HEPHL1: variants seen among roughly 807,000 people sequenced by gnomAD.
HEPHL1 encodes the protein hephaestin like 1, also known as ferroxidase HEPHL1.
In HEPHL1, 123 loss-of-function variants were observed where a neutral mutation model predicts 122.0. The observed-to-expected ratio is 1.01, with a 90% confidence interval of 0.87 to 1.17. The LOEUF is 1.17. Among genes scored for constraint, HEPHL1 ranks in the 50% most tolerant of loss-of-function variants. The probability of loss-of-function intolerance (pLI) is 0.00; values close to 1 mark genes in which losing one functional copy is unlikely to be tolerated. For synonymous variants in HEPHL1, 527 were observed against 508.9 expected (o/e 1.04, Z -0.48); for missense variants, 1,452 against 1,430.5 (o/e 1.01, Z -0.24).
chr11:94,109,485 C>A (rs963826519), intron 17 of HEPHL1, among the ~76,000 whole-genome samples: 1 of 152,076 alleles, frequency 6.6e-6, no homozygotes, highest in Non-Finnish European at 1.5e-5. Context: ...TTAGCTGCAG[C>A]TTTTTTGTGG....
intron 2 of HEPHL1, among the ~76,000 whole-genome samples, chr11:94,056,657 TTATCTATCTATC>T (rs1555061044): frequency 1.1e-3 from 126 of 111,916 alleles, no homozygotes; most frequent in African/African-American, 3.9e-3. Context: ...CTATTATTGA[TTATCTATCTATC>T]TATCTATCTA....
In HEPHL1 at chr11:94,101,114, GACTA is replaced by G; in HGVS notation, c.2435-76_2435-73del. 6 of 1,473,906 alleles carry G rather than the reference GACTA, an allele frequency of 4.1e-6. No individual in the cohort carries two copies. The South Asian group carries it at 7.2e-5, about 18-fold the overall frequency. 91.3% of individuals were successfully genotyped at this position (1,473,906 alleles called of 1,614,324 possible). A position where few individuals can be genotyped will look rare whatever the true frequency, so the allele number is the denominator to read the frequency against. ...CAACTAAAGCCAAACTATTTTATTT[GACTA>G]ACTACTGCCTATATTTAAATTACAC... On this transcript the variant is annotated intron_variant, in intron 13 of 19. Transcript: ENST00000315765.
In HEPHL1 at chr11:94,023,699, C is replaced by T. The variant is rs148868994; in HGVS notation, c.170+2161C>T. On this transcript the variant is annotated intron_variant, in intron 1 of 19. Coordinates refer to ENST00000315765, the MANE Select transcript of HEPHL1 (RefSeq NM_001098672.2). ...GCATGCTAAGGTGTCATACCTAGAA[C>T]GCCAAGGTCCCCAAACATTTCTTTC... 2.3e-3 allele frequency among the ~76,000 whole-genome samples: 354 copies of T among 152,220 alleles called. 1 individual carries two copies. The highest frequency in any genetic ancestry group is 7.5e-3 in the African/African-American group (311 of 41,548).
At chr11:94,110,748 C>G (rs1397867288) in intron 17 of HEPHL1, among the ~76,000 whole-genome samples, 155 bp from the exon 18 acceptor site, 2 of 152,094 alleles carry the variant, frequency 1.3e-5, no homozygotes, top group African/African-American at 4.8e-5. Flanking sequence ...ATTTCTTTGA[C>G]TTATCTCTAT....
At chr11:94,096,281 G>A (rs548829316) in intron 13 of HEPHL1, among the ~76,000 whole-genome samples, 8 of 152,302 alleles carry the variant, frequency 5.3e-5, no homozygotes, top group African/African-American at 1.2e-4. Flanking sequence ...AGATAATCAC[G>A]TGGTTTTTGT....
At chr11:94,077,377 A>AT (rs902032120) in intron 9 of HEPHL1, among the ~76,000 whole-genome samples, 4 of 151,898 alleles carry the variant, frequency 2.6e-5, no homozygotes, top group African/African-American at 4.8e-5. Flanking sequence ...ATTTCTTTAA[A>AT]TTTTTTTTAT....
intron 13 of HEPHL1, among the ~76,000 whole-genome samples, chr11:94,098,685 T>C (rs1004699939): frequency 6.6e-6 from 1 of 152,192 alleles, no homozygotes; most frequent in Non-Finnish European, 1.5e-5. Flanking sequence ...CACATAGTCC[T>C]ATATTTCTTG....
intron 8 of HEPHL1, 48 bp downstream of exon 8, chr11:94,073,487 G>A (rs1946095596): frequency 6.5e-7 from 1 of 1,533,602 alleles, no homozygotes; most frequent in African/African-American, 1.4e-5. Flanking sequence ...GGTGAGCAAA[G>A]CACTTAGAAA....
chr11:94,088,833 A>G lies in HEPHL1; in HGVS notation c.2159A>G (p.Asp720Gly). The change falls in exon 12 of 20, where the codon GAC (aspartate) becomes GGC (glycine). Residue 720 changes from aspartate to glycine, a missense_variant. Coordinates refer to ENST00000315765, the MANE Select transcript of HEPHL1 (RefSeq NM_001098672.2). Reference protein sequence around the residue: ...MGQIYEVSSCDNRDPSEQRYG... With the variant: ...MGQIYEVSSCGNRDPSEQRYG... ...CAGATCTATGAGGTCAGCAGCTGTG[A>G]CAACAGGGACCCTTCTGAGCAGCGG... 8.1e-6 allele frequency: 13 copies of G among 1,614,046 alleles called. No homozygotes were observed. Among genetic ancestry groups the G allele is most frequent in the Non-Finnish European group, 1.0e-5 (12 of 1,179,900 alleles).
At chr11:94,036,437 T>C (rs1019347339) in intron 1 of HEPHL1, among the ~76,000 whole-genome samples, 5 of 152,018 alleles carry the variant, frequency 3.3e-5, no homozygotes, top group Non-Finnish European at 7.4e-5. Flanking sequence ...GGGTGAGGGA[T>C]GGGAAGAGTT....
intron 1 of HEPHL1, among the ~76,000 whole-genome samples, chr11:94,029,120 C>T (rs1325035357): frequency 2.0e-5 from 3 of 152,302 alleles, no homozygotes; most frequent in South Asian, 2.1e-4. Flanking sequence ...AGCCACCACA[C>T]CCAGCCTCAA....
At chr11:94,067,900 C>T (rs1946047286) in intron 5 of HEPHL1, 150 bp downstream of exon 5, 2 of 664,040 alleles carry the variant, frequency 3.0e-6, no homozygotes, top group Non-Finnish European at 5.0e-6. Context: ...ATATAACGCT[C>T]ATCTCTTTGA....
chr11:94,022,924 C>T (rs1385791608), intron 1 of HEPHL1, among the ~76,000 whole-genome samples: 1 of 152,148 alleles, frequency 6.6e-6, no homozygotes, highest in African/African-American at 2.4e-5. Context: ...ATGAATATAG[C>T]GTTTAAGCTA....
At chr11:94,084,324 C>A (rs927252444) in intron 10 of HEPHL1, among the ~76,000 whole-genome samples, 2 of 144,402 alleles carry the variant, frequency 1.4e-5, no homozygotes, top group African/African-American at 5.2e-5. Flanking sequence ...CAGGGTAAGA[C>A]CCTCTCTCTG....
At chr11:94,086,290 A>C (rs1946217885) in intron 11 of HEPHL1, 101 bp downstream of exon 11, 2 of 833,362 alleles carry the variant, frequency 2.4e-6, no homozygotes, top group Non-Finnish European at 3.9e-6. Flanking sequence ...TGTGCACTTC[A>C]AGTGGTGTAG....
At chr11:94,061,964 A>G (rs1945988172) in intron 2 of HEPHL1, among the ~76,000 whole-genome samples, 2 of 152,172 alleles carry the variant, frequency 1.3e-5, no homozygotes, top group South Asian at 4.1e-4. Flanking sequence ...GACCTAATAT[A>G]TATTAACTCT....
At chr11:94,035,418 C>G (rs989522959) in intron 1 of HEPHL1, among the ~76,000 whole-genome samples, 3 of 152,180 alleles carry the variant, frequency 2.0e-5, no homozygotes, top group African/African-American at 7.2e-5. Context: ...TGGAAGTCAG[C>G]AGAATGGCTT....
chr11:94,098,909 T>C (rs1946343281), intron 13 of HEPHL1, among the ~76,000 whole-genome samples: 1 of 152,156 alleles, frequency 6.6e-6, no homozygotes, highest in African/African-American at 2.4e-5. Context: ...TAGTTAGCCA[T>C]TCATCTAATC....
At chr11:94,047,305 C>T (rs1398210233) in intron 2 of HEPHL1, among the ~76,000 whole-genome samples, 2 of 152,072 alleles carry the variant, frequency 1.3e-5, no homozygotes, top group African/African-American at 4.8e-5. Context: ...TTTCATCACC[C>T]AGGAATTAAG....
Sources: allele counts gnomAD v4.1 joint callset (sites outside exome capture counted in the v4.1 genomes callset), GRCh38; gene constraint gnomAD v4.1.1; transcripts MANE v1.5; gene names NCBI Gene and HGNC (gene_info 2026-07-23, HGNC 2026-07-21).